KAT6A: variants seen among roughly 807,000 people sequenced by gnomAD.
KAT6A encodes histone acetyltransferase KAT6A.
Under a neutral mutation model 198.4 loss-of-function variants are expected in KAT6A, and 9 were observed. That is an observed-to-expected ratio of 0.05 (90% CI 0.03 to 0.08). The LOEUF (loss-of-function observed/expected upper bound fraction) is 0.08. Among genes scored for constraint, KAT6A ranks in the 10% least tolerant of loss-of-function variants. The pLI is 1.00. For missense variants in KAT6A, 2,077 were observed against 2,509.9 expected, an observed-to-expected ratio of 0.83 and a Z score of 3.69; for synonymous variants, 890 against 883.0, an observed-to-expected ratio of 1.01 and a Z score of -0.14.
rs930602667 is a variant in KAT6A, at chr8:42,049,068, T to C, written c.-91A>G. 7.3e-7 allele frequency: 1 copy of C among 1,366,372 alleles called. No homozygotes were observed. The highest frequency in any genetic ancestry group is 9.9e-7 in the Non-Finnish European group (1 of 1,007,572). The allele number at this position is 1,366,372 out of a possible 1,614,324, so 84.6% of individuals were successfully genotyped here. A position where few individuals can be genotyped will look rare whatever the true frequency, so the allele number is the denominator to read the frequency against. ...CATGGAAAACAAGATTCTCGGAGGC[T>C]GGGAACCAGTTAACCATAGCATATG... On this transcript the variant is annotated 5_prime_UTR_variant, in exon 2 of 17. Transcript: ENST00000265713.
Position 41,944,007 on chromosome 8 carries a change from G to C in KAT6A, c.1997-28C>G, listed in dbSNP as rs1822264305. The stretch of plus-strand genomic sequence containing the variant: ...AAAGAATCACAAATAACTCAAATCA[G>C]AACTAGGTCAGCAACTCTGAAAAAC... On this transcript the variant is annotated intron_variant, in intron 12 of 16. Coordinates refer to ENST00000265713, the MANE Select transcript of KAT6A (RefSeq NM_006766.5). 2.0e-6 allele frequency: 3 copies of C among 1,524,332 alleles called. No individual in the cohort carries two copies. The African/African-American group carries it at 4.1e-5, about 21-fold the overall frequency. 94.4% of individuals were successfully genotyped at this position (1,524,332 alleles called of 1,614,324 possible). A position where few individuals can be genotyped will look rare whatever the true frequency, so the allele number is the denominator to read the frequency against.
intron 2 of KAT6A, among the ~76,000 whole-genome samples, chr8:41,997,635 C>T (rs1825283391): frequency 3.3e-5 from 5 of 152,108 alleles, no homozygotes; most frequent in South Asian, 2.1e-4. Context: ...TATATCTTAT[C>T]CATCCAGGTT....
At chr8:42,038,156 T>C (rs569251068) in intron 2 of KAT6A, among the ~76,000 whole-genome samples, 1 of 152,348 alleles carries the variant, frequency 6.6e-6, no homozygotes, top group Admixed American at 6.5e-5. Context: ...TCAGAGGTCA[T>C]TTGTGTTGCA....
chr8:41,931,044 G>A lies in KAT6A; in HGVS notation c.*1161C>T, dbSNP rs1237105682. On this transcript the variant is annotated 3_prime_UTR_variant, in exon 17 of 17. Coordinates refer to ENST00000265713, the MANE Select transcript of KAT6A (RefSeq NM_006766.5). Reference sequence around the variant, plus strand: ...AAACTCACACCGTGATCTCCCTTCTGACACACATCTGCGCCATCTCTTCCA... The same window carrying A: ...AAACTCACACCGTGATCTCCCTTCTAACACACATCTGCGCCATCTCTTCCA... 1 of 217,690 alleles carries A rather than the reference G, an allele frequency of 4.6e-6. No homozygotes were observed. Among genetic ancestry groups the A allele is most frequent in the Non-Finnish European group, 9.2e-6 (1 of 108,370 alleles). The allele number at this position is 217,690 out of a possible 1,614,324, so 13.5% of individuals were successfully genotyped here.
At position 41,931,849 on chromosome 8, in the gene KAT6A, TTA is replaced by T. The variant is rs1821559768; in HGVS notation, c.*354_*355del. On this transcript the variant is annotated 3_prime_UTR_variant, in exon 17 of 17. Transcript: ENST00000265713. ...CAAACAGTGAGGGGAAACATACATT[TTA>T]AAATAAAGATAATTCACTTTTACAC... 1 of 225,412 alleles carries T rather than the reference TTA, an allele frequency of 4.4e-6. No individual in the cohort carries two copies. Among genetic ancestry groups the T allele is most frequent in the Non-Finnish European group, 8.8e-6 (1 of 113,622 alleles). The allele number at this position is 225,412 out of a possible 1,614,324, so 14.0% of individuals were successfully genotyped here.
intron 2 of KAT6A, among the ~76,000 whole-genome samples, chr8:42,040,735 CAAAAAAAA>C (rs59959496): frequency 3.8e-4 from 21 of 54,670 alleles, no homozygotes; most frequent in Admixed American, 1.4e-3. Context: ...GACTCTGTCT[CAAAAAAAA>C]AAAAAAAAAA....
At chr8:41,953,639 A>C (rs1403023644) in intron 9 of KAT6A, among the ~76,000 whole-genome samples, 1 of 152,046 alleles carries the variant, frequency 6.6e-6, no homozygotes, top group Non-Finnish European at 1.5e-5. Flanking sequence ...ACGCCTGGCT[A>C]ATTTTTATAT....
At position 41,977,034 on chromosome 8, in the gene KAT6A, T is replaced by A; in HGVS notation, c.1337A>T (p.Lys446Ile). 6.2e-7 allele frequency: 1 copy of A among 1,609,938 alleles called. No homozygotes were observed. The highest frequency in any genetic ancestry group is 8.5e-7 in the Non-Finnish European group (1 of 1,177,296). The change falls in exon 7 of 17, where the codon AAA becomes ATA. Residue 446 changes from lysine (K) to isoleucine (I), a missense_variant. Physicochemically the swap from Lys to Ile is moderately radical, Grantham distance 102 (BLOSUM62 -3). Coordinates refer to ENST00000265713, the MANE Select transcript of KAT6A (RefSeq NM_006766.5). ...TGTGGGCCAATCTGAAGTGCTTGATTTCCTGTTGCCCCTCTTTCTGATTCG... is the reference window on the plus strand; with the variant it reads ...TGTGGGCCAATCTGAAGTGCTTGATATCCTGTTGCCCCTCTTTCTGATTCG... The part of the protein sequence containing the change: ...QYRIRKRGNR[K>I]SSTSDWPTDN...
intron 2 of KAT6A, among the ~76,000 whole-genome samples, chr8:42,025,645 C>G (rs1401971177): frequency 6.6e-6 from 1 of 152,118 alleles, no homozygotes; most frequent in African/African-American, 2.4e-5. Flanking sequence ...CTTGTACATT[C>G]TAGATATTAG....
Position 41,977,121 on chromosome 8 carries a change from A to C in KAT6A, c.1250T>G (p.Phe417Cys). ...KGLIDGLTKFFTPSPDGRKAR... is the reference protein window; with the variant it reads ...KGLIDGLTKFCTPSPDGRKAR... ...TTTCCGCCCATCAGGGGAAGGGGTAAAAAATTTGGTAAGGCCATCAATGAG... is the reference window on the plus strand; with the variant it reads ...TTTCCGCCCATCAGGGGAAGGGGTACAAAATTTGGTAAGGCCATCAATGAG... The change falls in exon 7 of 17, where the codon TTT (phenylalanine) becomes TGT (cysteine). Residue 417 changes from phenylalanine (F) to cysteine (C), a missense_variant. Coordinates refer to ENST00000265713, the MANE Select transcript of KAT6A (RefSeq NM_006766.5). The C allele has an allele frequency of 6.2e-7, 1 of 1,614,112 alleles. No individual in the cohort carries two copies. Among genetic ancestry groups the C allele is most frequent in the Non-Finnish European group, 8.5e-7 (1 of 1,179,998 alleles).
intron 2 of KAT6A, among the ~76,000 whole-genome samples, chr8:42,042,450 A>G (rs966272800): frequency 6.6e-6 from 1 of 152,190 alleles, no homozygotes; most frequent in African/African-American, 2.4e-5. Context: ...TCTCAAAAAA[A>G]AAAAAAAAAT....
intron 9 of KAT6A, among the ~76,000 whole-genome samples, chr8:41,951,665 T>C (rs961196801): frequency 1.3e-5 from 2 of 152,180 alleles, no homozygotes; most frequent in African/African-American, 2.4e-5. Context: ...ACCCAGCCCA[T>C]GGAATCAGGG....
intron 2 of KAT6A, among the ~76,000 whole-genome samples, chr8:42,027,484 T>C (rs757297597): frequency 5.9e-5 from 9 of 152,182 alleles, no homozygotes; most frequent in South Asian, 4.1e-4. Flanking sequence ...TACTCATTAT[T>C]GGGTGTTCAG....
Position 42,047,675 on chromosome 8 carries a change from C to T in KAT6A, c.600+703G>A, listed in dbSNP as rs946514286. Among the ~76,000 whole-genome samples, 8 of 152,090 alleles carry T rather than the reference C, an allele frequency of 5.3e-5. 1 individual carries two copies. The highest frequency in any genetic ancestry group is 5.2e-4 in the Admixed American group (8 of 15,276). ...ATCCTCCTGTCCCAGCCTCCCAAAG[C>T]GCTGGGATTACAGGCATGAACTACT... On this transcript the variant is annotated intron_variant, in intron 2 of 16. Coordinates refer to ENST00000265713, the MANE Select transcript of KAT6A (RefSeq NM_006766.5).
At position 41,930,844 on chromosome 8, in the gene KAT6A, T is replaced by C. The variant is rs898142875; in HGVS notation, c.*1361A>G. The stretch of plus-strand genomic sequence containing the variant: ...TGGAGTTGGGAGCAACACATGAACT[T>C]GCGTTATAACATTCTGCTGTCCAGA... On this transcript the variant is annotated 3_prime_UTR_variant, in exon 17 of 17. Coordinates refer to ENST00000265713, the MANE Select transcript of KAT6A (RefSeq NM_006766.5). 2 of 205,382 alleles carry C rather than the reference T, an allele frequency of 9.7e-6. No individual in the cohort carries two copies. Among genetic ancestry groups the C allele is most frequent in the African/African-American group, 4.6e-5 (2 of 43,138 alleles). The allele number at this position is 205,382 out of a possible 1,614,324, so 12.7% of individuals were successfully genotyped here. A position where few individuals can be genotyped will look rare whatever the true frequency, so the allele number is the denominator to read the frequency against.
Position 41,934,516 on chromosome 8 carries a change from T to A in KAT6A, c.3704A>T (p.Glu1235Val), listed in dbSNP as rs755546239. ...ATCCTCTTCCTCACCCTCTTCAGCCTCTTCTGCCTCTGCTTGCATCTCCTC... is the reference window on the plus strand; with the variant it reads ...ATCCTCTTCCTCACCCTCTTCAGCCACTTCTGCCTCTGCTTGCATCTCCTC... ...EEEEMQAEAE[E>V]AEEGEEEDAA... The change falls in exon 17 of 17, where the codon GAG becomes GTG. Residue 1235 changes from glutamate to valine, a missense_variant. Coordinates refer to ENST00000265713, the MANE Select transcript of KAT6A (RefSeq NM_006766.5). 7 of 1,613,586 alleles carry A rather than the reference T, an allele frequency of 4.3e-6. No homozygotes were observed. Among genetic ancestry groups the A allele is most frequent in the Non-Finnish European group, 5.9e-6 (7 of 1,179,770 alleles).
intron 7 of KAT6A, 47 bp downstream of exon 7, chr8:41,976,961 A>C: frequency 1.4e-6 from 2 of 1,389,876 alleles, no homozygotes; most frequent in Non-Finnish European, 2.0e-6. Context: ...CCCGAATAAT[A>C]CATGTACAGA....
intron 3 of KAT6A, among the ~76,000 whole-genome samples, chr8:41,984,083 A>C (rs1020474438): frequency 1.3e-5 from 2 of 152,212 alleles, no homozygotes; most frequent in African/African-American, 4.8e-5. Flanking sequence ...TAATTTAGAA[A>C]ATATCAACGT....
intron 2 of KAT6A, among the ~76,000 whole-genome samples, chr8:42,006,603 C>A (rs781375902): frequency 5.3e-5 from 8 of 152,084 alleles, no homozygotes; most frequent in Non-Finnish European, 8.8e-5. Context: ...TGTGGACGCC[C>A]AAAGAGTTTC....
Sources: gnomAD v4.1 joint callset for allele counts (sites outside exome capture counted in the v4.1 genomes callset) on GRCh38, gnomAD v4.1.1 for gene constraint, MANE v1.5 for transcripts, NCBI Gene and HGNC (gene_info 2026-07-23, HGNC 2026-07-21) for gene names.